The following ALDH1L2 variants were observed in gnomAD, a reference collection of about 807,000 sequenced individuals.
ALDH1L2 encodes aldehyde dehydrogenase 1 family member L2.
A neutral mutation model predicts 111.0 loss-of-function variants in ALDH1L2; 91 were observed. The observed-to-expected ratio is 0.82, with a 90% CI of 0.69 to 0.98. The LOEUF (loss-of-function observed/expected upper bound fraction) is 0.98. Ranked by LOEUF, ALDH1L2 falls within the 50% of genes least tolerant of loss-of-function variation. The probability of loss-of-function intolerance (pLI) is 0.00; values close to 1 mark genes in which losing one functional copy is unlikely to be tolerated. For synonymous variants in ALDH1L2, 374 were observed against 392.6 expected, an observed-to-expected ratio of 0.95 and a Z score of 0.56; for missense variants, 995 against 1,126.8, an observed-to-expected ratio of 0.88 and a Z score of 1.67.
At chr12:105,035,934 A>G (rs1389801520) in intron 18 of ALDH1L2, among the ~76,000 whole-genome samples, 2 of 109,156 alleles carry the variant, frequency 1.8e-5, no homozygotes, top group African/African-American at 9.5e-5. Flanking sequence ...ATATATTTAT[A>G]TGTGTATATA....
chr12:105,027,841 A>C lies in ALDH1L2; in HGVS notation c.2517-1097T>G, dbSNP rs1006394473. On this transcript the variant is annotated intron_variant, in intron 21 of 22. Transcript: ENST00000258494. ...GCAGGGATAACTTTATGTCTCATAT[A>C]CCTCTTTATGCTATGGTGTTGCATC... Among the ~76,000 whole-genome samples, 3 of 152,100 alleles carry C rather than the reference A, an allele frequency of 2.0e-5. No homozygotes were observed. The East Asian group carries it at 5.8e-4, about 29-fold the overall frequency.
chr12:105,057,519 A>G (rs1478283050), intron 10 of ALDH1L2, among the ~76,000 whole-genome samples: 2 of 152,210 alleles, frequency 1.3e-5, no homozygotes, highest in East Asian at 1.9e-4. Context: ...ATGTACATCA[A>G]CTGATGAATG....
At chr12:105,070,399 C>A in intron 3 of ALDH1L2, 171 bp downstream of exon 3, 1 of 615,016 alleles carries the variant, frequency 1.6e-6, no homozygotes, top group Non-Finnish European at 2.8e-6. Context: ...AATACACTCA[C>A]CCTCTGTGTA....
At chr12:105,050,417 A>G (rs531055690) in intron 12 of ALDH1L2, 1 of 200,120 alleles carries the variant, frequency 5.0e-6, no homozygotes, top group East Asian at 1.5e-4. Context: ...GCACAAAAAT[A>G]TTTCCAAAAC....
chr12:105,072,078 C>A lies in ALDH1L2; in HGVS notation c.194-1274G>T, dbSNP rs1399137177. Among the ~76,000 whole-genome samples the A allele has an allele frequency of 3.3e-5, 5 of 149,716 alleles. No individual in the cohort carries two copies. The Admixed American group carries it at 3.3e-4, about 10-fold the overall frequency. On this transcript the variant is annotated intron_variant, in intron 2 of 22. Coordinates refer to ENST00000258494, the MANE Select transcript of ALDH1L2 (RefSeq NM_001034173.4). ...TCCAGCCTGGGCAACGAAGTGAGAC[C>A]CTTTCTCTAAAAAAATGTGTTTAAG...
At position 105,062,930 on chromosome 12, in the gene ALDH1L2, A is replaced by C; in HGVS notation, c.879T>G (p.Val293=). ...CAAAAAGAACAAGTCCATTTTTGGTAACGAGACCAGGCTTCTTGGCACCTT... is the reference window on the plus strand; with the variant it reads ...CAAAAAGAACAAGTCCATTTTTGGTCACGAGACCAGGCTTCTTGGCACCTT... ...EIKGAKKPGL[V]TKNGLVLFGN... is the part of the protein sequence containing the mutation. The change falls in exon 7 of 23, where the codon GTT becomes GTG. Residue 293 remains valine, a synonymous_variant. Transcript: ENST00000258494. The C allele has an allele frequency of 6.2e-7, 1 of 1,613,984 alleles. No homozygotes were observed. Among genetic ancestry groups the C allele is most frequent in the Non-Finnish European group, 8.5e-7 (1 of 1,179,956 alleles).
At chr12:105,052,636 T>C (rs906827629) in intron 11 of ALDH1L2, among the ~76,000 whole-genome samples, 176 bp downstream of exon 11, 3 of 152,218 alleles carry the variant, frequency 2.0e-5, no homozygotes, top group Non-Finnish European at 4.4e-5. Flanking sequence ...CTACAGTTAA[T>C]AGCAGCTGGT....
In ALDH1L2 at chr12:105,039,712, C is replaced by A. The variant is rs1219639353; in HGVS notation, c.2045+1G>T. 1 of 1,613,132 alleles carries A rather than the reference C, an allele frequency of 6.2e-7. No homozygotes were observed. The highest frequency in any genetic ancestry group is 2.2e-5 in the East Asian group (1 of 44,880). On this transcript the variant is annotated splice_donor_variant, in intron 17 of 22. Coordinates refer to ENST00000258494, the MANE Select transcript of ALDH1L2 (RefSeq NM_001034173.4). LOFTEE classifies it high-confidence loss of function. ...GTGAATCAACATTTTAAAACCAATA[C>A]CTCTTCATGATCTGTTTGCCAATAG... is the stretch of plus-strand genomic sequence containing the variant.
At chr12:105,072,929 G>A (rs113248904) in intron 2 of ALDH1L2, among the ~76,000 whole-genome samples, 3,979 of 152,242 alleles carry the variant, frequency 0.026, 123 homozygotes, top group African/African-American at 0.068. Context: ...AGCCGAGGTC[G>A]TGCCACTGCA....
chr12:105,045,062 A>G (rs891713987), intron 15 of ALDH1L2, among the ~76,000 whole-genome samples: 5 of 151,932 alleles, frequency 3.3e-5, no homozygotes, highest in Non-Finnish European at 7.4e-5. Flanking sequence ...GAACTTATTC[A>G]TCTTACATGA....
intron 9 of ALDH1L2, among the ~76,000 whole-genome samples, chr12:105,059,394 G>A (rs1331636793): frequency 6.6e-6 from 1 of 151,524 alleles, no homozygotes; most frequent in African/African-American, 2.4e-5. Context: ...TGAGATGAAA[G>A]GATGGCTATC....
chr12:105,067,362 T>G (rs537268717), intron 4 of ALDH1L2, among the ~76,000 whole-genome samples: 2 of 152,030 alleles, frequency 1.3e-5, no homozygotes, highest in Admixed American at 6.5e-5. Context: ...CAAAAATGAC[T>G]CCCTTGTTTA....
intron 6 of ALDH1L2, among the ~76,000 whole-genome samples, 181 bp downstream of exon 6, chr12:105,065,086 C>G (rs116355764): frequency 6.6e-6 from 1 of 152,104 alleles, no homozygotes; most frequent in Non-Finnish European, 1.5e-5. Context: ...TTAGATCAGG[C>G]GCTGGATTTA....
intron 12 of ALDH1L2, 91 bp from the exon 13 acceptor site, chr12:105,050,149 G>A (rs1052175204): frequency 2.3e-6 from 3 of 1,277,600 alleles, no homozygotes; most frequent in Non-Finnish European, 3.1e-6. Flanking sequence ...AGAATTCAGA[G>A]GTAAACACAT....
At chr12:105,058,253 A>AT (rs1373536734) in intron 9 of ALDH1L2, 33 bp from the exon 10 acceptor site, 1 of 1,577,766 alleles carries the variant, frequency 6.3e-7, no homozygotes, top group Non-Finnish European at 8.6e-7. Context: ...CGTTACTTAG[A>AT]TTTTTAAAAG....
intron 3 of ALDH1L2, among the ~76,000 whole-genome samples, chr12:105,069,119 A>T (rs1227343338): frequency 2.6e-5 from 4 of 152,162 alleles, no homozygotes; most frequent in Non-Finnish European, 5.9e-5. Flanking sequence ...AATGTACAGT[A>T]ATGACTTGCA....
chr12:105,037,787 C>CG (rs1337564916), intron 18 of ALDH1L2, among the ~76,000 whole-genome samples: 1 of 141,696 alleles, frequency 7.1e-6, no homozygotes, highest in Non-Finnish European at 1.5e-5. Flanking sequence ...TTTTTTGAGA[C>CG]GGAGTCTCAC....
In ALDH1L2 at chr12:105,052,102, C is replaced by A; in HGVS notation, c.1523G>T (p.Arg508Ile). 6.2e-7 allele frequency: 1 copy of A among 1,605,090 alleles called. No homozygotes were observed. Among genetic ancestry groups the A allele is most frequent in the South Asian group, 1.1e-5 (1 of 89,072 alleles). Reference protein sequence around the residue: ...WGRMNARERGRLMYRLADLLE... With the variant: ...WGRMNARERGILMYRLADLLE... ...AAAATAGAAATACCTATACATCAAT[C>A]TTCCTCTTTCTCTTGCATTCATTCT... is the stretch of plus-strand genomic sequence containing the variant. Residue 508 changes from arginine to isoleucine, a missense_variant, in exon 12 of 23, where the codon AGA becomes ATA. By Grantham distance (97) the Arg-to-Ile change is moderately conservative. Coordinates refer to ENST00000258494, the MANE Select transcript of ALDH1L2 (RefSeq NM_001034173.4).
intron 18 of ALDH1L2, among the ~76,000 whole-genome samples, chr12:105,034,905 A>G (rs935465847): frequency 3.3e-5 from 5 of 152,054 alleles, no homozygotes; most frequent in African/African-American, 1.2e-4. Context: ...AATCAATTGA[A>G]CCCAGGAGGC....
Sources: gnomAD v4.1 joint callset for allele counts (sites outside exome capture counted in the v4.1 genomes callset) on GRCh38, gnomAD v4.1.1 for gene constraint, MANE v1.5 for transcripts, NCBI Gene and HGNC (gene_info 2026-07-23, HGNC 2026-07-21) for gene names.